ZNF610: variants seen among roughly 807,000 people sequenced by gnomAD.
The protein encoded by ZNF610 is zink finger protein.
A neutral mutation model predicts 14.1 loss-of-function variants in ZNF610; 14 were observed. The ratio of observed to expected loss-of-function variants is 0.99; its 90% confidence interval spans 0.65 to 1.55. ZNF610 has a LOEUF of 1.55. Ranked by LOEUF, ZNF610 falls within the 40% of genes most tolerant of loss-of-function variation. The probability of loss-of-function intolerance (pLI) is 0.00; values close to 1 mark genes in which losing one functional copy is unlikely to be tolerated. For synonymous variants in ZNF610, 185 were observed against 187.6 expected (o/e 0.99, Z 0.11); for missense variants, 530 against 558.0 (o/e 0.95, Z 0.51).
At chr19:52,341,049 T>C (rs979872894) in intron 1 of ZNF610, among the ~76,000 whole-genome samples, 1 of 152,154 alleles carries the variant, frequency 6.6e-6, no homozygotes, top group East Asian at 1.9e-4. Context: ...ACTCACATAC[T>C]CACTCACTAA....
intron 5 of ZNF610, among the ~76,000 whole-genome samples, chr19:52,361,560 A>AT (rs781494209): frequency 3.4e-5 from 5 of 146,162 alleles, no homozygotes; most frequent in Non-Finnish European, 3.1e-5. Flanking sequence ...CTTACGCTTC[A>AT]TTTTTGTTTT....
intron 5 of ZNF610, among the ~76,000 whole-genome samples, chr19:52,364,052 A>G (rs545093316): frequency 4.9e-4 from 75 of 152,324 alleles, no homozygotes; most frequent in South Asian, 2.9e-3. Context: ...GAAGTTACAT[A>G]AAACATTGTA....
At position 52,365,736 on chromosome 19, in the gene ZNF610, C is replaced by T. The variant is rs1204985018; in HGVS notation, c.358C>T (p.Pro120Ser). 6.2e-7 allele frequency: 1 copy of T among 1,611,608 alleles called. No individual in the cohort carries two copies. The highest frequency in any genetic ancestry group is 8.5e-7 in the Non-Finnish European group (1 of 1,179,346). ...ATTGGGAAGCAATGCAGAAAACAAGCCTATTAAAAATCAACTTGGATTAAC... is the reference window on the plus strand; with the variant it reads ...ATTGGGAAGCAATGCAGAAAACAAGTCTATTAAAAATCAACTTGGATTAAC... ...CVLGSNAENK[P>S]IKNQLGLTLE... The change falls in exon 6 of 6, where the codon CCT becomes TCT. Residue 120 changes from proline (P) to serine (S), a missense_variant. Transcript: ENST00000403906.
intron 5 of ZNF610, among the ~76,000 whole-genome samples, chr19:52,357,736 C>T (rs1009024749): frequency 2.0e-5 from 3 of 151,682 alleles, no homozygotes; most frequent in African/African-American, 7.3e-5. Flanking sequence ...GAGGACTGCT[C>T]GAGCCCAGGA....
chr19:52,362,333 C>T (rs896136202), intron 5 of ZNF610, among the ~76,000 whole-genome samples: 2 of 152,366 alleles, frequency 1.3e-5, no homozygotes, highest in Non-Finnish European at 2.9e-5. Flanking sequence ...ATCAGTTGAA[C>T]CTGGGAGGCG....
At chr19:52,351,536 A>G (rs1333413399) in intron 3 of ZNF610, among the ~76,000 whole-genome samples, 1 of 151,174 alleles carries the variant, frequency 6.6e-6, no homozygotes, top group Admixed American at 6.6e-5. Context: ...TGTGCCATTC[A>G]GCCCAGGAGG....
chr19:52,337,337 G>T (rs780924762), intron 1 of ZNF610, among the ~76,000 whole-genome samples: 1 of 152,078 alleles, frequency 6.6e-6, no homozygotes, highest in Non-Finnish European at 1.5e-5. Flanking sequence ...GGACAAGAGA[G>T]TGTAGCAGGG....
At chr19:52,362,877 G>A (rs1013056929) in intron 5 of ZNF610, among the ~76,000 whole-genome samples, 2 of 152,138 alleles carry the variant, frequency 1.3e-5, no homozygotes, top group Non-Finnish European at 2.9e-5. Flanking sequence ...GTATTCTGCT[G>A]TTTTTAGGTG....
rs117897872 is a variant in ZNF610 at position 52,365,988 on chromosome 19, T to C, written c.610T>C (p.Tyr204His). 8,970 of 1,614,156 alleles carry C rather than the reference T, an allele frequency of 5.6e-3. 42 individuals are homozygous for C. Among genetic ancestry groups the C allele is most frequent in the Non-Finnish European group, 6.9e-3 (8,084 of 1,180,034 alleles). ...KAYIRGKSYEYECSEDGEVFR... is the reference protein window; with the variant it reads ...KAYIRGKSYEHECSEDGEVFR... ...ATACATTAGAGGAAAATCTTATGAATATGAATGTAGTGAAGATGGTGAAGT... is the reference window on the plus strand; with the variant it reads ...ATACATTAGAGGAAAATCTTATGAACATGAATGTAGTGAAGATGGTGAAGT... Residue 204 changes from tyrosine to histidine, a missense_variant, in exon 6 of 6, where the codon TAT becomes CAT. By Grantham distance (83) the Tyr-to-His change is moderately conservative (BLOSUM62 2). Transcript: ENST00000403906.
chr19:52,353,815 A>G lies in ZNF610; in HGVS notation c.190+7A>G, dbSNP rs1985385707. ...AGGAACCTGGTCTTTCTGGGTGAGG[A>G]TGACTTCCCTCCAGAAGCCGGGATC... On this transcript the variant is annotated splice_region_variant and intron_variant, in intron 4 of 5. Coordinates refer to ENST00000403906, the MANE Select transcript of ZNF610 (RefSeq NM_001161425.2). 1 of 1,607,388 alleles carries G rather than the reference A, an allele frequency of 6.2e-7. No homozygotes were observed. The highest frequency in any genetic ancestry group is 8.5e-7 in the Non-Finnish European group (1 of 1,178,142).
At chr19:52,334,686 C>T (rs1984289687), upstream of ZNF610, among the ~76,000 whole-genome samples, 1 of 151,828 alleles carries the variant, frequency 6.6e-6, no homozygotes, top group African/African-American at 2.4e-5. Context: ...AGAAATTGCA[C>T]CAATCTTTCA....
At chr19:52,340,818 C>T (rs954899899) in intron 1 of ZNF610, among the ~76,000 whole-genome samples, 5 of 151,810 alleles carry the variant, frequency 3.3e-5, no homozygotes, top group East Asian at 1.9e-4. Flanking sequence ...GTAGCTGGGA[C>T]TACAGGCACA....
chr19:52,362,911 T>C (rs1337264275), intron 5 of ZNF610, among the ~76,000 whole-genome samples: 3 of 152,190 alleles, frequency 2.0e-5, no homozygotes, highest in Non-Finnish European at 4.4e-5. Flanking sequence ...ACGTCTGTCA[T>C]ATCTAATGAG....
In ZNF610 at chr19:52,340,891, G is replaced by A. The variant is rs189451763; in HGVS notation, c.-258+4385G>A. The stretch of plus-strand genomic sequence containing the variant: ...AGACGGGGTTTCACCATGTTGGCCA[G>A]GCTGGTCTCGGACTCCTGACCTCAG... On this transcript the variant is annotated intron_variant, in intron 1 of 5. Coordinates refer to ENST00000403906, the MANE Select transcript of ZNF610 (RefSeq NM_001161425.2). Among the ~76,000 whole-genome samples the A allele has an allele frequency of 1.4e-3, 215 of 151,880 alleles. 7 individuals carry two copies. The East Asian group carries it at 0.03, about 21-fold the overall frequency.
rs780794434 is a variant in ZNF610 at position 52,366,691 on chromosome 19, A to G, written c.1313A>G (p.Asn438Ser). 30 of 1,614,156 alleles carry G rather than the reference A, an allele frequency of 1.9e-5. No homozygotes were observed. The highest frequency in any genetic ancestry group is 1.6e-4 in the Middle Eastern group (1 of 6,084). ...YKCNACGKVF[N>S]QNPHLSRHRK... is the part of the protein sequence containing the mutation. ...TGTAATGCATGTGGCAAGGTCTTCA[A>G]TCAAAATCCACACCTTTCACGACAT... is the stretch of plus-strand genomic sequence containing the variant. The change falls in exon 6 of 6, where the codon AAT (asparagine) becomes AGT (serine). Residue 438 changes from asparagine to serine, a missense_variant. Coordinates refer to ENST00000403906, the MANE Select transcript of ZNF610 (RefSeq NM_001161425.2).
chr19:52,353,947 GCTCT>G, intron 4 of ZNF610, 139 bp downstream of exon 4: 1 of 1,185,200 alleles, frequency 8.4e-7, no homozygotes, highest in Non-Finnish European at 1.2e-6. Flanking sequence ...GCTCTATTAT[GCTCT>G]CTGGATTTGA....
At chr19:52,344,786 T>C (rs894813479) in intron 1 of ZNF610, among the ~76,000 whole-genome samples, 23 of 152,194 alleles carry the variant, frequency 1.5e-4, no homozygotes, top group African/African-American at 5.3e-4. Context: ...AATCTAGCAC[T>C]GTCCCACTCT....
rs1985418031 is a variant in ZNF610 at position 52,354,378 on chromosome 19, A to C, written c.318A>C (p.Thr106=). ...GGGAATGTGTCAGAAGCGTGAACACAGGTAAGAGCTCTGATGGGCAGTGTG... is the reference window on the plus strand; with the variant it reads ...GGGAATGTGTCAGAAGCGTGAACACCGGTAAGAGCTCTGATGGGCAGTGTG... The part of the protein sequence containing the change: ...DGRECVRSVN[T]GRSCVLGSNA... The change falls in exon 5 of 6, where the codon ACA becomes ACC. Residue 106 remains threonine (T), a splice_region_variant and synonymous_variant. Transcript: ENST00000403906. 6.2e-7 allele frequency: 1 copy of C among 1,613,880 alleles called. No individual in the cohort carries two copies. The highest frequency in any genetic ancestry group is 1.3e-5 in the African/African-American group (1 of 74,910).
chr19:52,363,359 G>T (rs906694042), intron 5 of ZNF610, among the ~76,000 whole-genome samples: 3 of 152,068 alleles, frequency 2.0e-5, no homozygotes, highest in African/African-American at 4.8e-5. Flanking sequence ...TCAAACTCCT[G>T]GCCTCAAGTG....
Sources: gnomAD v4.1 joint callset for allele counts (sites outside exome capture counted in the v4.1 genomes callset) on GRCh38, gnomAD v4.1.1 for gene constraint, MANE v1.5 for transcripts, NCBI Gene and HGNC (gene_info 2026-07-23, HGNC 2026-07-21) for gene names.